DAP3: variants seen among roughly 807,000 people sequenced by gnomAD.
DAP3 encodes death associated protein 3.
Under a neutral mutation model 51.9 loss-of-function variants are expected in DAP3, and 28 were observed. The observed-to-expected ratio is 0.54, with a 90% CI of 0.40 to 0.74. The LOEUF (loss-of-function observed/expected upper bound fraction) is 0.74, where lower values mean the gene tolerates loss of function less well. Ranked by LOEUF, DAP3 falls within the 30% of genes least tolerant of loss-of-function variation. The pLI is 0.00. For synonymous variants in DAP3, 170 were observed against 170.3 expected (o/e 1.00, Z 0.01); for missense variants, 458 against 483.5 (o/e 0.95, Z 0.49).
At chr1:155,716,387 CCTACTAAAAATACACCT>C (rs1290839140) in intron 2 of DAP3, among the ~76,000 whole-genome samples, 1 of 150,510 alleles carries the variant, frequency 6.6e-6, no homozygotes, top group Non-Finnish European at 1.5e-5. Context: ...CAGTGAAACC[CCTACTAAAAATACACCT>C]CTACTAAAAA....
intron 1 of DAP3, among the ~76,000 whole-genome samples, chr1:155,705,161 C>T (rs1655794555): frequency 2.6e-5 from 4 of 151,702 alleles, no homozygotes; most frequent in Admixed American, 2.6e-4. Flanking sequence ...TGGCACGTGC[C>T]TGTAATTCCA....
At chr1:155,688,191 G>T (rs188043733), upstream of DAP3, 2 of 1,613,866 alleles carry the variant, frequency 1.2e-6, no homozygotes, top group Admixed American at 1.7e-5. Context: ...GGCGGCCAGC[G>T]GGTAAGCCGA....
At chr1:155,713,774 T>A (rs1656999218) in intron 2 of DAP3, among the ~76,000 whole-genome samples, 1 of 152,202 alleles carries the variant, frequency 6.6e-6, no homozygotes, top group South Asian at 2.1e-4. Flanking sequence ...ATCTTCCCCA[T>A]CATAACACAG....
chr1:155,702,801 T>C (rs1244750627), intron 1 of DAP3, among the ~76,000 whole-genome samples: 3 of 152,126 alleles, frequency 2.0e-5, no homozygotes, highest in East Asian at 3.9e-4. Context: ...AAACTCCGTC[T>C]TTACTAAAAA....
chr1:155,699,188 G>A (rs72999062), intron 1 of DAP3, among the ~76,000 whole-genome samples: 244 of 152,296 alleles, frequency 1.6e-3, no homozygotes, highest in African/African-American at 5.7e-3. Context: ...GGGCAAAACT[G>A]TGAAAGGGAG....
At chr1:155,730,045 T>C (rs1020814714) in intron 9 of DAP3, among the ~76,000 whole-genome samples, 3 of 149,696 alleles carry the variant, frequency 2.0e-5, no homozygotes, top group South Asian at 2.1e-4. Flanking sequence ...GCCATATATA[T>C]ATATTCATAT....
chr1:155,715,302 G>A (rs113124240), intron 2 of DAP3, among the ~76,000 whole-genome samples: 28 of 151,052 alleles, frequency 1.9e-4, no homozygotes, highest in South Asian at 1.3e-3. Context: ...CAGGAGGATC[G>A]CGTGAGTGCA....
intron 4 of DAP3, 79 bp downstream of exon 4, chr1:155,721,697 A>G (rs541249923): frequency 7.4e-7 from 1 of 1,359,790 alleles, no homozygotes; most frequent in African/African-American, 1.4e-5. Flanking sequence ...CTAAATGAGA[A>G]GAAAATTTAA....
At chr1:155,731,072 G>A (rs565051174) in intron 9 of DAP3, among the ~76,000 whole-genome samples, 5 of 152,058 alleles carry the variant, frequency 3.3e-5, no homozygotes, top group East Asian at 3.9e-4. Context: ...GTTTGAGACC[G>A]TCCTGGCTAA....
intron 7 of DAP3, 47 bp from the exon 8 acceptor site, chr1:155,728,995 G>T (rs1191421750): frequency 1.3e-6 from 2 of 1,599,566 alleles, no homozygotes; most frequent in Non-Finnish European, 1.7e-6. Context: ...TCACCCTTAG[G>T]CCAAGTAGCC....
chr1:155,692,306 C>G (rs756018647), intron 1 of DAP3, among the ~76,000 whole-genome samples: 1 of 141,660 alleles, frequency 7.1e-6, no homozygotes, highest in Non-Finnish European at 1.5e-5. Context: ...TTGTGGCTTT[C>G]CACAACTTAC....
At chr1:155,725,535 T>TC in intron 5 of DAP3, 45 bp downstream of exon 5, 1 of 1,532,856 alleles carries the variant, frequency 6.5e-7, no homozygotes, top group African/African-American at 1.4e-5. Context: ...CAATGCTTTC[T>TC]CCCCTCAAAT....
chr1:155,730,932 G>T (rs1357948474), intron 9 of DAP3, among the ~76,000 whole-genome samples: 1 of 152,104 alleles, frequency 6.6e-6, no homozygotes, highest in Non-Finnish European at 1.5e-5. Context: ...ATCCTAGAGG[G>T]AGTACCTTCA....
chr1:155,730,491 AT>A (rs1408326525), intron 9 of DAP3, among the ~76,000 whole-genome samples: 1 of 152,166 alleles, frequency 6.6e-6, no homozygotes, highest in East Asian at 1.9e-4. Flanking sequence ...TTGCACCTGT[AT>A]GTAGCTCCAG....
intron 1 of DAP3, among the ~76,000 whole-genome samples, chr1:155,704,374 T>G (rs2666823): frequency 9.3e-4 from 142 of 152,230 alleles, no homozygotes; most frequent in East Asian, 2.1e-3. Context: ...TGGAAAGAAG[T>G]GCATCTGGAC....
chr1:155,717,306 T>C (rs1657455501), intron 3 of DAP3, among the ~76,000 whole-genome samples, 178 bp downstream of exon 3: 2 of 152,172 alleles, frequency 1.3e-5, no homozygotes, highest in Admixed American at 6.6e-5. Context: ...GATACTGTGG[T>C]AACATACACT....
In DAP3 at chr1:155,727,654, C is replaced by A; in HGVS notation, c.519C>A (p.Tyr173Ter). The A allele has an allele frequency of 4.3e-6, 7 of 1,613,658 alleles. No homozygotes were observed. Among genetic ancestry groups the A allele is most frequent in the Non-Finnish European group, 5.9e-6 (7 of 1,179,834 alleles). ...GTCGGGATCTTCTGCAGTCCAGCTA[C>A]AACAAACAGCGCTTTGATCAACCTT... ...KNCRDLLQSS[Y>*]NKQRFDQPLE... The change falls in exon 7 of 13, where the codon TAC becomes TAA. Residue 173 changes from tyrosine (Y) to a stop codon, truncating the protein, a stop_gained. Transcript: ENST00000368336. LOFTEE classifies it high-confidence loss of function.
chr1:155,711,588 T>TG (rs1656722379), intron 2 of DAP3, among the ~76,000 whole-genome samples: 1 of 151,780 alleles, frequency 6.6e-6, no homozygotes, highest in Non-Finnish European at 1.5e-5. Context: ...GTTTTGTTTT[T>TG]TTTTTTTTAC....
chr1:155,724,311 G>C (rs1399051420), intron 4 of DAP3, among the ~76,000 whole-genome samples: 1 of 152,056 alleles, frequency 6.6e-6, no homozygotes, highest in African/African-American at 2.4e-5. Context: ...TTTAGTTCTA[G>C]AGAAAAAAGT....
Sources: allele counts gnomAD v4.1 joint callset (sites outside exome capture counted in the v4.1 genomes callset), GRCh38; gene constraint gnomAD v4.1.1; transcripts MANE v1.5; gene names NCBI Gene and HGNC (gene_info 2026-07-23, HGNC 2026-07-21).